Variants in RADX observed in about 807,000 individuals in gnomAD.
The protein encoded by RADX is RPA-related protein RADX.
RADX carries 36 observed loss-of-function variants against 61.6 expected under a neutral mutation model. The observed-to-expected ratio is 0.58, with a 90% CI of 0.45 to 0.77. The LOEUF is 0.77. Ranked by LOEUF, RADX falls within the 30% of genes least tolerant of loss-of-function variation. RADX has a pLI of 0.00. For missense variants in RADX, 497 were observed against 651.1 expected, an observed-to-expected ratio of 0.76 and a Z score of 2.58; for synonymous variants, 272 against 237.9, an observed-to-expected ratio of 1.14 and a Z score of -1.32.
chrX:106,622,042 T>C (rs1477217900), intron 1 of RADX, among the ~76,000 whole-genome samples: 1 of 106,893 alleles, frequency 9.4e-6, no homozygotes, highest in Non-Finnish European at 1.9e-5. Flanking sequence ...GCTCAGGTGA[T>C]CCTCCCACTT....
chrX:106,666,668 A>G (rs1928236431), intron 12 of RADX, among the ~76,000 whole-genome samples: 1 of 112,497 alleles, frequency 8.9e-6, no homozygotes, highest in African/African-American at 3.2e-5. Flanking sequence ...TTACCTTGAT[A>G]TCACAGTTAA....
At chrX:106,659,322 T>TA (rs1012912124) in intron 11 of RADX, among the ~76,000 whole-genome samples, 49 of 109,615 alleles carry the variant, frequency 4.5e-4, no homozygotes, top group Non-Finnish European at 8.2e-4. Flanking sequence ...GGAGTAGATT[T>TA]AAAAAAAAAA....
At position 106,663,012 on chromosome X, in the gene RADX, A is replaced by T. The variant is rs746597723; in HGVS notation, c.2269+707A>T. On this transcript the variant is annotated intron_variant, in intron 12 of 13. Transcript: ENST00000372548. ...TTAGTTAAAATGACTCTCAGAGTCA[A>T]GCAAAACAATGCATTTGTATTTCAC... Among the ~76,000 whole-genome samples, 3 of 111,511 alleles carry T rather than the reference A, an allele frequency of 2.7e-5. No homozygotes were observed. The East Asian group carries it at 8.5e-4, about 32-fold the overall frequency.
rs1395461566 is a variant in RADX at position 106,645,427 on chromosome X, T to A, written c.1905-2886T>A. Among the ~76,000 whole-genome samples, 5 of 111,359 alleles carry A rather than the reference T, an allele frequency of 4.5e-5. No individual in the cohort carries two copies. In the South Asian group the frequency reaches 1.9e-3, roughly 42 times the overall value. On this transcript the variant is annotated intron_variant, in intron 10 of 13. Transcript: ENST00000372548. ...CCCTCTTACTACTGCTTTTGCTGTATCCCTTAGGTTTTGTTATGTTTTGTT... is the reference window on the plus strand; with the variant it reads ...CCCTCTTACTACTGCTTTTGCTGTAACCCTTAGGTTTTGTTATGTTTTGTT...
At position 106,671,754 on chromosome X, in the gene RADX, A is replaced by T. The variant is rs181569176; in HGVS notation, c.2437+2424A>T. Among the ~76,000 whole-genome samples the T allele has an allele frequency of 8.5e-4, 95 of 112,037 alleles. 1 individual carries two copies. Among genetic ancestry groups the T allele is most frequent in the African/African-American group, 2.3e-3 (71 of 30,965 alleles). The stretch of plus-strand genomic sequence containing the variant: ...ATTATTATTTTGATTTGCATTTATC[A>T]ATTTCTGAGCTTTAAAATCTTAATA... On this transcript the variant is annotated intron_variant, in intron 13 of 13. Coordinates refer to ENST00000372548, the MANE Select transcript of RADX (RefSeq NM_018015.6).
chrX:106,616,568 G>A (rs1241458130), intron 1 of RADX, among the ~76,000 whole-genome samples: 1 of 110,999 alleles, frequency 9.0e-6, no homozygotes, highest in African/African-American at 3.3e-5. Flanking sequence ...TATTGCTTAG[G>A]CTGCATCCCC....
intron 3 of RADX, 68 bp downstream of exon 3, chrX:106,625,350 T>G: frequency 1.3e-6 from 1 of 770,792 alleles, no homozygotes. Context: ...TGTACCATAT[T>G]AGGAAAAAAG....
intron 2 of RADX, among the ~76,000 whole-genome samples, chrX:106,624,359 G>A (rs73529261): frequency 0.028 from 3,073 of 111,491 alleles, 107 homozygotes; most frequent in African/African-American, 0.095. Context: ...TCTACTGTGC[G>A]CTCCCTGACT....
intron 10 of RADX, 138 bp from the exon 11 acceptor site, chrX:106,648,175 T>C (rs1927709452): frequency 8.2e-6 from 3 of 366,349 alleles, no homozygotes; most frequent in South Asian, 1.7e-4. Context: ...TGTATGTTAA[T>C]GTATTATTCA....
Position 106,631,851 on chromosome X carries a change from G to T in RADX, c.980-774G>T, listed in dbSNP as rs186764182. On this transcript the variant is annotated intron_variant, in intron 3 of 13. Transcript: ENST00000372548. ...AGAAAAGAAAGAAAGAAAAAAGAAA[G>T]AAAAAGAGAAAAGAAAGAAAGAAAG... 3.0e-3 allele frequency among the ~76,000 whole-genome samples: 331 copies of T among 110,376 alleles called. 3 individuals carry two copies. The highest frequency in any genetic ancestry group is 0.011 in the African/African-American group (322 of 30,389).
At chrX:106,676,667 C>T (rs749176014) in intron 13 of RADX, among the ~76,000 whole-genome samples, 2 of 112,337 alleles carry the variant, frequency 1.8e-5, no homozygotes, top group African/African-American at 3.2e-5. Context: ...TGACAGTTTC[C>T]TTAAACACCT....
At chrX:106,615,234 C>A (rs1926773496) in intron 1 of RADX, among the ~76,000 whole-genome samples, 1 of 112,084 alleles carries the variant, frequency 8.9e-6, no homozygotes, top group Non-Finnish European at 1.9e-5. Flanking sequence ...CTGTCACAAC[C>A]ATTCACTTTT....
chrX:106,621,925 G>GTT (rs368340491), intron 1 of RADX, among the ~76,000 whole-genome samples: 60 of 89,920 alleles, frequency 6.7e-4, no homozygotes, highest in African/African-American at 1.2e-3. Context: ...CAATTCTATG[G>GTT]TTTTTTTTTT....
At position 106,630,490 on chromosome X, in the gene RADX, T is replaced by C. The variant is rs144694782; in HGVS notation, c.980-2135T>C. Among the ~76,000 whole-genome samples the C allele has an allele frequency of 8.3e-3, 925 of 111,474 alleles. 38 individuals carry two copies. The East Asian group carries it at 0.13, about 15-fold the overall frequency. On this transcript the variant is annotated intron_variant, in intron 3 of 13. Transcript: ENST00000372548. ...TCCTATTATTACTATTTCTATTTAA[T>C]GTTGTACTGGCTGTCCTAGCCAGTG...
In RADX at chrX:106,633,175, A is replaced by G; in HGVS notation, c.1226A>G (p.Asp409Gly). Reference sequence around the variant, plus strand: ...TCATATCGCTGGATTCACATTGCTGACGGTACTTCAGAACAACCATTTATA... The same window carrying G: ...TCATATCGCTGGATTCACATTGCTGGCGGTACTTCAGAACAACCATTTATA... Reference protein sequence around the residue: ...FWSYRWIHIADGTSEQPFIVE... With the variant: ...FWSYRWIHIAGGTSEQPFIVE... Residue 409 changes from aspartate to glycine, a missense_variant, in exon 6 of 14, where the codon GAC becomes GGC. This residue lies in a region of RADX where 196 missense variants were observed against 315.0 expected (regional missense o/e 0.62). Transcript: ENST00000372548. The G allele has an allele frequency of 8.3e-7, 1 of 1,202,025 alleles. No individual in the cohort carries two copies. Among genetic ancestry groups the G allele is most frequent in the Non-Finnish European group, 1.1e-6 (1 of 886,826 alleles).
chrX:106,632,110 A>T (rs1282541193), intron 3 of RADX, among the ~76,000 whole-genome samples: 1 of 112,057 alleles, frequency 8.9e-6, no homozygotes, highest in African/African-American at 3.2e-5. Context: ...AACCCTATGT[A>T]TAATAGTAAA....
rs368630036 is a variant in RADX at position 106,613,352 on chromosome X, C to A, written c.643+629C>A. On this transcript the variant is annotated intron_variant, in intron 1 of 13. Coordinates refer to ENST00000372548, the MANE Select transcript of RADX (RefSeq NM_018015.6). ...ACAAAGAGTACTGATCTGGGAACTT[C>A]AATTTTTCTGTATCAGAAGTAGGAA... 3.6e-5 allele frequency among the ~76,000 whole-genome samples: 4 copies of A among 111,513 alleles called. No homozygotes were observed. The East Asian group carries it at 8.4e-4, about 24-fold the overall frequency.
chrX:106,636,201 T>C (rs1927352174), intron 6 of RADX, among the ~76,000 whole-genome samples: 2 of 111,557 alleles, frequency 1.8e-5, no homozygotes, highest in South Asian at 7.6e-4. Context: ...TAAAATGACT[T>C]GCACTCTTTA....
intron 13 of RADX, among the ~76,000 whole-genome samples, chrX:106,671,876 A>G (rs1165635123): frequency 9.0e-6 from 1 of 111,624 alleles, no homozygotes; most frequent in African/African-American, 3.3e-5. Context: ...CTCTTTGCAT[A>G]TTAAAGAAAT....
Sources: allele counts gnomAD v4.1 joint callset (sites outside exome capture counted in the v4.1 genomes callset), GRCh38; gene constraint gnomAD v4.1.1; regional missense constraint gnomAD v4.1.1; transcripts MANE v1.5; gene names NCBI Gene and HGNC (gene_info 2026-07-23, HGNC 2026-07-21).